Variants in SLC13A3 observed in about 807,000 individuals in gnomAD.
The protein encoded by SLC13A3 is solute carrier family 13 member 3.
In SLC13A3, 40 loss-of-function variants were observed where a neutral mutation model predicts 59.0. The observed-to-expected ratio is 0.68, with a 90% CI of 0.53 to 0.88. The LOEUF is 0.88. SLC13A3 is among the 40% of genes least tolerant of loss of function. The pLI, the probability that SLC13A3 is intolerant of heterozygous loss-of-function variation, is 0.00. For synonymous variants in SLC13A3, 317 were observed against 330.3 expected (o/e 0.96, Z 0.44); for missense variants, 699 against 783.2 (o/e 0.89, Z 1.28).
At chr20:46,593,161 T>C (rs2062277423) in intron 5 of SLC13A3, among the ~76,000 whole-genome samples, 2 of 152,190 alleles carry the variant, frequency 1.3e-5, no homozygotes, top group Admixed American at 1.3e-4. Context: ...TGAAGGGCAA[T>C]AACACTCAGT....
intron 10 of SLC13A3, among the ~76,000 whole-genome samples, chr20:46,574,963 T>A (rs1182147780): frequency 6.6e-6 from 1 of 150,402 alleles, no homozygotes; most frequent in Admixed American, 6.6e-5. Context: ...TTTAACCCCA[T>A]CTCTACAAAA....
chr20:46,599,224 G>C (rs2062347554), intron 4 of SLC13A3, among the ~76,000 whole-genome samples: 1 of 152,226 alleles, frequency 6.6e-6, no homozygotes, highest in African/African-American at 2.4e-5. Context: ...ATAGTGCCTG[G>C]CTCATCGTAA....
chr20:46,612,068 CT>C (rs1555879602), intron 2 of SLC13A3, among the ~76,000 whole-genome samples: 1 of 141,810 alleles, frequency 7.1e-6, no homozygotes, highest in South Asian at 2.3e-4. Flanking sequence ...TTTTCTCTTT[CT>C]TTTTTTTCTT....
chr20:46,666,986 A>G (rs2063065948), intron 1 of SLC13A3, among the ~76,000 whole-genome samples: 1 of 152,108 alleles, frequency 6.6e-6, no homozygotes, highest in African/African-American at 2.4e-5. Flanking sequence ...AATTTGGGAG[A>G]CTACGAGATA....
intron 1 of SLC13A3, among the ~76,000 whole-genome samples, chr20:46,627,150 T>C (rs528449268): frequency 6.6e-6 from 1 of 152,344 alleles, no homozygotes; most frequent in Admixed American, 6.5e-5. Flanking sequence ...TTCGCCTCTA[T>C]TCTCAGTGCC....
upstream of SLC13A3, chr20:46,651,554 G>T: frequency 7.6e-7 from 1 of 1,315,202 alleles, no homozygotes; most frequent in Non-Finnish European, 9.7e-7. Flanking sequence ...CCTCCTGGAG[G>T]AAAAGGGTGG....
chr20:46,608,470 C>T (rs2062457765), intron 3 of SLC13A3, among the ~76,000 whole-genome samples: 1 of 152,194 alleles, frequency 6.6e-6, no homozygotes, highest in African/African-American at 2.4e-5. Context: ...TATAAAGCTT[C>T]TCTTCACTTC....
intron 1 of SLC13A3, among the ~76,000 whole-genome samples, chr20:46,663,177 C>T (rs947068069): frequency 2.6e-5 from 4 of 151,924 alleles, no homozygotes; most frequent in Non-Finnish European, 4.4e-5. Flanking sequence ...GGTGCAGTGG[C>T]TCACACCTGT....
intron 10 of SLC13A3, among the ~76,000 whole-genome samples, chr20:46,572,953 G>A (rs1040343020): frequency 6.6e-6 from 1 of 152,042 alleles, no homozygotes; most frequent in Non-Finnish European, 1.5e-5. Context: ...CCCCCAGCAG[G>A]AGGCAATAGC....
At chr20:46,642,040 C>G (rs1568952604) in intron 1 of SLC13A3, among the ~76,000 whole-genome samples, 2 of 152,192 alleles carry the variant, frequency 1.3e-5, no homozygotes, top group Admixed American at 1.3e-4. Context: ...ACATATTGCC[C>G]ACAGTAAAGG....
rs116761867 is a variant in SLC13A3, at chr20:46,584,194, G to A, written c.1122-525C>T. The stretch of plus-strand genomic sequence containing the variant: ...AATGTGTCCTTTAGGGGAGTTTTGC[G>A]CACATTAAGCCCTCGGGGCAGGCAC... On this transcript the variant is annotated intron_variant, in intron 8 of 12. Transcript: ENST00000279027. 2.3e-3 allele frequency: 2,262 copies of A among 985,322 alleles called. 34 individuals are homozygous for A. In the African/African-American group the frequency reaches 0.032, roughly 14 times the overall value. The allele number at this position is 985,322 out of a possible 1,614,324, so 61.0% of individuals were successfully genotyped here.
upstream of SLC13A3, among the ~76,000 whole-genome samples, chr20:46,654,081 A>G (rs538023302): frequency 6.6e-6 from 1 of 152,304 alleles, no homozygotes; most frequent in African/African-American, 2.4e-5. Context: ...CAAGGGTTCC[A>G]GTTTCACCAC....
intron 1 of SLC13A3, among the ~76,000 whole-genome samples, chr20:46,627,763 C>CACATACGCAAT (rs1275528915): frequency 6.6e-6 from 1 of 152,148 alleles, no homozygotes; most frequent in Non-Finnish European, 1.5e-5. Context: ...TATGTGCCCA[C>CACATACGCAAT]ACATACGCAA....
chr20:46,600,981 T>C (rs1282062013), intron 3 of SLC13A3, among the ~76,000 whole-genome samples: 4 of 151,956 alleles, frequency 2.6e-5, no homozygotes, highest in Non-Finnish European at 5.9e-5. Context: ...ATCCATCCTA[T>C]GAAGAGCCCT....
intron 1 of SLC13A3, among the ~76,000 whole-genome samples, chr20:46,682,945 T>C (rs2063160412): frequency 6.6e-6 from 1 of 152,148 alleles, no homozygotes; most frequent in Admixed American, 6.5e-5. Context: ...AGGAAAGGAA[T>C]CCACTGTTCA....
Position 46,617,691 on chromosome 20 carries a change from C to G in SLC13A3, c.112-3966G>C, listed in dbSNP as rs184128793. Among the ~76,000 whole-genome samples the G allele has an allele frequency of 2.9e-4, 44 of 151,998 alleles. No homozygotes were observed. In the East Asian group the frequency reaches 8.3e-3, roughly 29 times the overall value. ...CCTAAAAATTTGACAAGCACATTTC[C>G]CAAGCCAGCATAAGCTGGCTGCAGC... On this transcript the variant is annotated intron_variant, in intron 1 of 12. Transcript: ENST00000279027.
intron 1 of SLC13A3, among the ~76,000 whole-genome samples, chr20:46,627,624 C>CAA (rs3092227): frequency 1.0e-4 from 15 of 147,632 alleles, no homozygotes; most frequent in East Asian, 5.9e-4. Context: ...GTGGGCCAAT[C>CAA]AAAAAAAAAA....
intron 1 of SLC13A3, among the ~76,000 whole-genome samples, chr20:46,660,091 A>G (rs1191559021): frequency 6.6e-6 from 1 of 152,222 alleles, no homozygotes. Flanking sequence ...TTAATTTTAT[A>G]AACAATCAAT....
At chr20:46,574,950 T>A (rs2062060669) in intron 10 of SLC13A3, among the ~76,000 whole-genome samples, 1 of 151,536 alleles carries the variant, frequency 6.6e-6, no homozygotes, top group Non-Finnish European at 1.5e-5. Flanking sequence ...CCTGGCTAAT[T>A]TTTTTAACCC....
Sources: allele counts gnomAD v4.1 joint callset (sites outside exome capture counted in the v4.1 genomes callset), GRCh38; gene constraint gnomAD v4.1.1; transcripts MANE v1.5; gene names NCBI Gene and HGNC (gene_info 2026-07-23, HGNC 2026-07-21).